Variants in TAS2R1 observed in about 807,000 individuals in gnomAD.
TAS2R1 encodes taste receptor type 2 member 1.
For missense variants in TAS2R1, 370 were observed against 353.4 expected, an observed-to-expected ratio of 1.05 and a Z score of -0.38; for synonymous variants, 141 against 134.2, an observed-to-expected ratio of 1.05 and a Z score of -0.35.
At chr5:9,819,813 A>G in the TAS2R1 span, among the ~76,000 whole-genome samples, 1 of 152,150 alleles carries the variant, frequency 6.6e-6, no homozygotes. Flanking sequence ...CTTGCCATCT[A>G]CTGATTACTC....
At chr5:9,870,698 A>G in the TAS2R1 span, among the ~76,000 whole-genome samples, 1 of 152,220 alleles carries the variant, frequency 6.6e-6, no homozygotes, top group Non-Finnish European at 1.5e-5. Context: ...ATCAGGACAT[A>G]ATACGAGCCC....
intron 2 of TAS2R1, among the ~76,000 whole-genome samples, chr5:9,643,975 A>T (rs1473226825): frequency 6.6e-6 from 1 of 152,098 alleles, no homozygotes; most frequent in Non-Finnish European, 1.5e-5. Flanking sequence ...CTCACTCCCC[A>T]TCCCATCAAT....
At chr5:9,887,270 A>C in the TAS2R1 span, among the ~76,000 whole-genome samples, 1 of 152,196 alleles carries the variant, frequency 6.6e-6, no homozygotes, top group African/African-American at 2.4e-5. Context: ...ACTGGTATGA[A>C]AGTATTTCAT....
chr5:9,765,010 A>G, the TAS2R1 span, among the ~76,000 whole-genome samples: 1 of 152,212 alleles, frequency 6.6e-6, no homozygotes, highest in Non-Finnish European at 1.5e-5. Context: ...GCACAAATTT[A>G]GGATATAAAA....
intron 1 of TAS2R1, among the ~76,000 whole-genome samples, chr5:9,675,685 G>C (rs562478455): frequency 6.6e-6 from 1 of 152,066 alleles, no homozygotes. Context: ...AAAGTGCTGG[G>C]ATTACAGGCA....
At chr5:9,800,039 C>T in the TAS2R1 span, among the ~76,000 whole-genome samples, 183 of 152,288 alleles carry the variant, frequency 1.2e-3, no homozygotes, top group African/African-American at 4.3e-3. Flanking sequence ...TACAAGCACA[C>T]GTGGAGATGA....
At chr5:9,851,562 A>G in the TAS2R1 span, among the ~76,000 whole-genome samples, 197 of 149,544 alleles carry the variant, frequency 1.3e-3, no homozygotes, top group African/African-American at 4.5e-3. Context: ...TAAAATATCC[A>G]TGACTCATTT....
At chr5:9,763,513 A>AG in the TAS2R1 span, among the ~76,000 whole-genome samples, 2 of 152,132 alleles carry the variant, frequency 1.3e-5, no homozygotes, top group African/African-American at 2.4e-5. Flanking sequence ...CAAAAAAAAA[A>AG]GAAAAGAAAA....
chr5:9,790,331 A>C, the TAS2R1 span, among the ~76,000 whole-genome samples: 1 of 152,198 alleles, frequency 6.6e-6, no homozygotes, highest in Non-Finnish European at 1.5e-5. Flanking sequence ...TAAATGCCAA[A>C]AATATGTAAA....
chr5:9,711,212 T>G (rs1330996321), intron 1 of TAS2R1, among the ~76,000 whole-genome samples: 3 of 151,980 alleles, frequency 2.0e-5, no homozygotes, highest in Non-Finnish European at 1.5e-5. Context: ...ATACCTGCAC[T>G]CCCATGTTCA....
chr5:9,639,920 G>A (rs1167907391), intron 2 of TAS2R1, among the ~76,000 whole-genome samples: 2 of 152,148 alleles, frequency 1.3e-5, no homozygotes, highest in African/African-American at 4.8e-5. Context: ...TTTTCTTCAT[G>A]TCAGCAATAA....
the TAS2R1 span, among the ~76,000 whole-genome samples, chr5:9,824,945 C>G: frequency 6.6e-6 from 1 of 151,938 alleles, no homozygotes; most frequent in African/African-American, 2.4e-5. Flanking sequence ...TGGACATCTC[C>G]TAAGTAGAGG....
At chr5:9,782,998 T>C in the TAS2R1 span, among the ~76,000 whole-genome samples, 3 of 152,272 alleles carry the variant, frequency 2.0e-5, no homozygotes, top group South Asian at 4.1e-4. Flanking sequence ...AGTTGACAAA[T>C]AGCAGGCATT....
chr5:9,817,656 T>A, the TAS2R1 span, among the ~76,000 whole-genome samples: 1 of 152,176 alleles, frequency 6.6e-6, no homozygotes, highest in Non-Finnish European at 1.5e-5. Context: ...TAGAAGATAC[T>A]GAGGAGCATC....
chr5:9,882,829 C>G, the TAS2R1 span, among the ~76,000 whole-genome samples: 1 of 151,884 alleles, frequency 6.6e-6, no homozygotes, highest in South Asian at 2.1e-4. Flanking sequence ...TAGGTATATA[C>G]CCAAAGGAAT....
the TAS2R1 span, among the ~76,000 whole-genome samples, chr5:9,897,674 C>A: frequency 6.6e-6 from 1 of 152,134 alleles, no homozygotes; most frequent in African/African-American, 2.4e-5. Flanking sequence ...CATTCCCATT[C>A]TTGGGAGGGT....
chr5:9,774,739 G>T, the TAS2R1 span, among the ~76,000 whole-genome samples: 681 of 152,348 alleles, frequency 4.5e-3, 4 homozygotes, highest in African/African-American at 0.015. Context: ...TAATTCTCTG[G>T]ATTACCAGGC....
the TAS2R1 span, among the ~76,000 whole-genome samples, chr5:9,860,685 G>C: frequency 6.6e-6 from 1 of 152,258 alleles, no homozygotes; most frequent in Non-Finnish European, 1.5e-5. Context: ...ATATTGGAGA[G>C]CAAGAGTCTC....
At chr5:9,770,957 A>G in the TAS2R1 span, among the ~76,000 whole-genome samples, 1 of 152,186 alleles carries the variant, frequency 6.6e-6, no homozygotes, top group African/African-American at 2.4e-5. Flanking sequence ...GAGAATGGGC[A>G]TCCTTGTCAT....
Sources: gnomAD v4.1 joint callset for allele counts (sites outside exome capture counted in the v4.1 genomes callset) on GRCh38, gnomAD v4.1.1 for gene constraint, MANE v1.5 for transcripts, NCBI Gene and HGNC (gene_info 2026-07-23, HGNC 2026-07-21) for gene names.